Variants in CDH12 observed in about 807,000 individuals in gnomAD.
CDH12 encodes the protein cadherin-12.
CDH12 carries 41 observed loss-of-function variants against 74.1 expected under a neutral mutation model. The observed-to-expected ratio is 0.55, with a 90% CI of 0.43 to 0.72. The LOEUF (loss-of-function observed/expected upper bound fraction) is 0.72. Among genes scored for constraint, CDH12 ranks in the 30% least tolerant of loss-of-function variants. The pLI, the probability that CDH12 is intolerant of heterozygous loss-of-function variation, is 0.00. For synonymous variants in CDH12, 399 were observed against 355.0 expected, an observed-to-expected ratio of 1.12 and a Z score of -1.39; for missense variants, 945 against 977.2, an observed-to-expected ratio of 0.97 and a Z score of 0.44.
chr5:22,745,164 C>T (rs1745229156), intron 1 of CDH12, among the ~76,000 whole-genome samples: 1 of 151,992 alleles, frequency 6.6e-6, no homozygotes, highest in East Asian at 1.9e-4. Context: ...AAAATCACGT[C>T]ATTCTTCAAA....
At chr5:21,804,999 A>G (rs1028653860) in intron 9 of CDH12, among the ~76,000 whole-genome samples, 1 of 152,158 alleles carries the variant, frequency 6.6e-6, no homozygotes, top group African/African-American at 2.4e-5. Flanking sequence ...ATAAATGTTA[A>G]ACAATATAAG....
chr5:22,810,669 A>C (rs1204478703), intron 1 of CDH12, among the ~76,000 whole-genome samples: 1 of 152,132 alleles, frequency 6.6e-6, no homozygotes, highest in Non-Finnish European at 1.5e-5. Context: ...TTGATGTCAG[A>C]AGTTAGAAAC....
chr5:21,911,626 T>C (rs1370565716), intron 6 of CDH12, among the ~76,000 whole-genome samples: 1 of 152,102 alleles, frequency 6.6e-6, no homozygotes, highest in Admixed American at 6.6e-5. Flanking sequence ...TTGAAATATA[T>C]GAACTAAGGA....
chr5:22,752,015 T>C (rs560683272), intron 1 of CDH12, among the ~76,000 whole-genome samples: 2 of 152,284 alleles, frequency 1.3e-5, no homozygotes, highest in African/African-American at 4.8e-5. Flanking sequence ...ACAGATGCCG[T>C]ATAGTTTAAT....
chr5:22,348,090 G>C (rs1452261385), intron 3 of CDH12, among the ~76,000 whole-genome samples: 1 of 152,152 alleles, frequency 6.6e-6, no homozygotes, highest in African/African-American at 2.4e-5. Context: ...TTATGGAGAA[G>C]GTCATTTTTG....
At chr5:22,646,414 A>C (rs2126877698) in intron 1 of CDH12, among the ~76,000 whole-genome samples, 1 of 151,972 alleles carries the variant, frequency 6.6e-6, no homozygotes, top group East Asian at 1.9e-4. Flanking sequence ...CTGAAGAAGC[A>C]CCAAATGAAC....
chr5:22,384,038 T>G (rs542444504), intron 3 of CDH12, among the ~76,000 whole-genome samples: 5 of 152,260 alleles, frequency 3.3e-5, no homozygotes, highest in African/African-American at 1.2e-4. Context: ...AGATTTAAGC[T>G]TTCTCTCAAA....
At chr5:21,897,568 T>C (rs1244308253) in intron 6 of CDH12, among the ~76,000 whole-genome samples, 2 of 152,208 alleles carry the variant, frequency 1.3e-5, no homozygotes, top group Admixed American at 1.3e-4. Flanking sequence ...TTATGGACTA[T>C]CATGTGAAAT....
At chr5:22,098,556 C>T (rs1743940295) in intron 4 of CDH12, among the ~76,000 whole-genome samples, 1 of 152,198 alleles carries the variant, frequency 6.6e-6, no homozygotes, top group Non-Finnish European at 1.5e-5. Context: ...TCACTCGCTA[C>T]AGTTCTCATA....
chr5:22,605,193 C>A (rs1737039772), intron 1 of CDH12, among the ~76,000 whole-genome samples: 1 of 152,192 alleles, frequency 6.6e-6, no homozygotes, highest in East Asian at 1.9e-4. Flanking sequence ...TGGCTTTGGA[C>A]CTCAGCTGTA....
intron 1 of CDH12, among the ~76,000 whole-genome samples, chr5:22,778,343 A>T (rs1338673455): frequency 2.6e-5 from 4 of 152,126 alleles, no homozygotes; most frequent in African/African-American, 9.7e-5. Context: ...CCCATGGGGA[A>T]TTTCTCTTCA....
intron 1 of CDH12, among the ~76,000 whole-genome samples, chr5:22,511,970 T>C (rs1267770564): frequency 6.6e-6 from 1 of 152,070 alleles, no homozygotes; most frequent in Non-Finnish European, 1.5e-5. Context: ...CATTCAATTA[T>C]ATATATGGGG....
intron 3 of CDH12, among the ~76,000 whole-genome samples, chr5:22,402,494 G>T (rs924195461): frequency 1.7e-4 from 26 of 152,180 alleles, no homozygotes; most frequent in Non-Finnish European, 1.5e-5. Context: ...GACTTGCAAG[G>T]TTAAACTTGA....
chr5:22,813,854 T>A (rs1037041698), intron 1 of CDH12, among the ~76,000 whole-genome samples: 2 of 152,152 alleles, frequency 1.3e-5, no homozygotes, highest in African/African-American at 4.8e-5. Context: ...CTCTCACCAA[T>A]ATCTTGATTG....
intron 1 of CDH12, among the ~76,000 whole-genome samples, chr5:22,845,730 GC>G (rs1737272769): frequency 6.6e-6 from 1 of 152,140 alleles, no homozygotes; most frequent in African/African-American, 2.4e-5. Context: ...GAGCGCCAAG[GC>G]CTTGTGGCAG....
chr5:22,852,098 T>A (rs2126543941), intron 1 of CDH12, among the ~76,000 whole-genome samples: 1 of 152,290 alleles, frequency 6.6e-6, no homozygotes, highest in East Asian at 1.9e-4. Context: ...GTATGTAAGG[T>A]AATTTTCTAG....
At chr5:22,759,169 T>C (rs1242111508) in intron 1 of CDH12, among the ~76,000 whole-genome samples, 1 of 151,988 alleles carries the variant, frequency 6.6e-6, no homozygotes, top group East Asian at 1.9e-4. Flanking sequence ...CAGGATATAT[T>C]TCACCATCTA....
intron 1 of CDH12, among the ~76,000 whole-genome samples, chr5:22,721,385 A>G (rs1393255750): frequency 6.6e-6 from 1 of 152,216 alleles, no homozygotes; most frequent in Admixed American, 6.5e-5. Flanking sequence ...CATGGGGCTT[A>G]TAGCCCCTTT....
chr5:22,695,996 T>A (rs541708992), intron 1 of CDH12, among the ~76,000 whole-genome samples: 4 of 152,280 alleles, frequency 2.6e-5, no homozygotes, highest in African/African-American at 9.6e-5. Flanking sequence ...CAGTTGAGTT[T>A]TAAATTAGAT....
Sources: allele counts gnomAD v4.1 joint callset (sites outside exome capture counted in the v4.1 genomes callset), GRCh38; gene constraint gnomAD v4.1.1; transcripts MANE v1.5; gene names NCBI Gene and HGNC (gene_info 2026-07-23, HGNC 2026-07-21).